Variants in FAM200B observed in about 807,000 individuals in gnomAD.
The protein encoded by FAM200B is zinc finger BED-type containing 11, also known as protein FAM200B.
A neutral mutation model predicts 33.1 loss-of-function variants in FAM200B; 32 were observed. The observed-to-expected ratio is 0.97, with a 90% CI of 0.73 to 1.30. The LOEUF (loss-of-function observed/expected upper bound fraction) is 1.30, where lower values mean the gene tolerates loss of function less well. Ranked by LOEUF, FAM200B falls within the 50% of genes most tolerant of loss-of-function variation. The pLI is 0.00. For missense variants in FAM200B, 741 were observed against 754.0 expected (o/e 0.98, Z 0.20); for synonymous variants, 240 against 264.8 (o/e 0.91, Z 0.91).
chr4:15,656,870 C>G, the FAM200B span, among the ~76,000 whole-genome samples: 1 of 151,960 alleles, frequency 6.6e-6, no homozygotes, highest in Non-Finnish European at 1.5e-5. Flanking sequence ...ATTAAGTCTT[C>G]AAGACATTCT....
At chr4:15,658,442 T>C in the FAM200B span, among the ~76,000 whole-genome samples, 32 of 152,332 alleles carry the variant, frequency 2.1e-4, no homozygotes, top group African/African-American at 7.0e-4. Flanking sequence ...AAGAGGTGAT[T>C]GGGTCATGAA....
chr4:15,643,328 C>T, the FAM200B span, among the ~76,000 whole-genome samples: 15 of 152,298 alleles, frequency 9.8e-5, no homozygotes, highest in South Asian at 3.1e-3. Context: ...AGGTGAGGAG[C>T]ACATGGTGGC....
At chr4:15,638,064 A>T in the FAM200B span, among the ~76,000 whole-genome samples, 2 of 152,182 alleles carry the variant, frequency 1.3e-5, no homozygotes, top group Non-Finnish European at 2.9e-5. Context: ...AACTATAAAC[A>T]TAACTAATTT....
the FAM200B span, chr4:15,655,446 G>T: frequency 6.2e-6 from 6 of 971,112 alleles, no homozygotes; most frequent in Non-Finnish European, 7.3e-6. Flanking sequence ...GGGCGCGCAG[G>T]CCGCCGCCAT....
the FAM200B span, among the ~76,000 whole-genome samples, chr4:15,669,031 T>C: frequency 1.3e-5 from 2 of 152,206 alleles, no homozygotes; most frequent in East Asian, 3.8e-4. Flanking sequence ...TAGAGAAATG[T>C]AGGAAGATCG....
chr4:15,650,676 T>C, the FAM200B span, among the ~76,000 whole-genome samples: 1 of 144,916 alleles, frequency 6.9e-6, no homozygotes, highest in Non-Finnish European at 1.5e-5. Context: ...TTTTTTTTTT[T>C]TTTTTTTTTG....
chr4:15,654,979 G>A, the FAM200B span, among the ~76,000 whole-genome samples: 1 of 151,750 alleles, frequency 6.6e-6, no homozygotes, highest in Non-Finnish European at 1.5e-5. Flanking sequence ...GACGCCGCCC[G>A]CCCCGAGAGC....
chr4:15,660,162 TC>T, the FAM200B span, among the ~76,000 whole-genome samples: 26 of 151,820 alleles, frequency 1.7e-4, no homozygotes, highest in Admixed American at 6.6e-5. Flanking sequence ...TACTGCAGCC[TC>T]AAACTCCTAG....
Position 15,687,424 on chromosome 4 carries a change from A to T in FAM200B, c.447A>T (p.Ser149=), listed in dbSNP as rs1446977138. 6.4e-7 allele frequency: 1 copy of T among 1,550,600 alleles called. No individual in the cohort carries two copies. Among genetic ancestry groups the T allele is most frequent in the Non-Finnish European group, 8.7e-7 (1 of 1,146,268 alleles). ...CTGTTAGTGAGAAAGCCTTATTATC[A>T]TCATATTTAGTTGCATATCGTGTGG... is the stretch of plus-strand genomic sequence containing the variant. ...STAVSEKALL[S]SYLVAYRVAK... is the part of the protein sequence containing the mutation. The change falls in exon 2 of 2, where the codon TCA becomes TCT. Residue 149 remains serine (S), a synonymous_variant. Transcript: ENST00000422728.
the FAM200B span, among the ~76,000 whole-genome samples, chr4:15,639,870 TA>T: frequency 6.6e-6 from 1 of 152,246 alleles, no homozygotes; most frequent in African/African-American, 2.4e-5. Context: ...TGAGAATCAC[TA>T]CAATAACTGA....
At chr4:15,660,082 AT>A in the FAM200B span, among the ~76,000 whole-genome samples, 579 of 140,118 alleles carry the variant, frequency 4.1e-3, no homozygotes, top group Admixed American at 4.0e-3. Context: ...TACCCCTGAC[AT>A]TTTTTTTTTT....
the FAM200B span, among the ~76,000 whole-genome samples, chr4:15,672,110 G>T: frequency 6.6e-6 from 1 of 152,144 alleles, no homozygotes; most frequent in African/African-American, 2.4e-5. Context: ...ATTCAGTTAA[G>T]CTACTTAGAA....
the FAM200B span, among the ~76,000 whole-genome samples, chr4:15,675,151 T>C: frequency 2.4e-4 from 36 of 149,204 alleles, no homozygotes; most frequent in African/African-American, 8.3e-4. Context: ...TTCCACATCA[T>C]TGATTTTTTA....
chr4:15,668,509 G>A, the FAM200B span, among the ~76,000 whole-genome samples: 10 of 150,714 alleles, frequency 6.6e-5, no homozygotes, highest in African/African-American at 2.4e-4. Context: ...CTTGGTTTTT[G>A]TATTGTTCTT....
rs1450443183 is a variant in FAM200B at position 15,688,290 on chromosome 4, T to C, written c.1313T>C (p.Ile438Thr). 2 of 1,549,096 alleles carry C rather than the reference T, an allele frequency of 1.3e-6. 1 individual carries two copies. The highest frequency in any genetic ancestry group is 2.4e-5 in the South Asian group (2 of 84,018). The change falls in exon 2 of 2, where the codon ATT becomes ACT. Residue 438 changes from isoleucine (I) to threonine (T), a missense_variant. Coordinates refer to ENST00000422728, the MANE Select transcript of FAM200B (RefSeq NM_001145191.2). ...GCATATTTAACTGATATTTTTAGCA[T>C]TCTTAATGAACTGAGTTTAAAACTA... The part of the protein sequence containing the change: ...KLAYLTDIFS[I>T]LNELSLKLQG...
chr4:15,638,463 T>C, the FAM200B span: 1 of 1,397,580 alleles, frequency 7.2e-7, no homozygotes, highest in Non-Finnish European at 9.6e-7. Flanking sequence ...AAGATGTCAA[T>C]GACCTTACAA....
the FAM200B span, among the ~76,000 whole-genome samples, chr4:15,637,790 A>G: frequency 6.6e-6 from 1 of 152,208 alleles, no homozygotes; most frequent in Non-Finnish European, 1.5e-5. Flanking sequence ...TAAAAATAAA[A>G]GGACCAATTT....
the FAM200B span, among the ~76,000 whole-genome samples, chr4:15,667,053 T>C: frequency 6.6e-6 from 1 of 152,232 alleles, no homozygotes; most frequent in Non-Finnish European, 1.5e-5. Flanking sequence ...TCTAGTTTAA[T>C]GTAAACATTA....
At chr4:15,665,795 G>C in the FAM200B span, among the ~76,000 whole-genome samples, 2 of 152,122 alleles carry the variant, frequency 1.3e-5, no homozygotes, top group Non-Finnish European at 2.9e-5. Context: ...AAAGAACCCA[G>C]TAAAATACAT....
Sources: gnomAD v4.1 joint callset for allele counts (sites outside exome capture counted in the v4.1 genomes callset) on GRCh38, gnomAD v4.1.1 for gene constraint, MANE v1.5 for transcripts, NCBI Gene and HGNC (gene_info 2026-07-23, HGNC 2026-07-21) for gene names.